FARS2: variants seen among roughly 807,000 people sequenced by gnomAD.
FARS2 encodes phenylalanyl-tRNA synthetase 2, mitochondrial, also known as phenylalanine--tRNA ligase, mitochondrial.
Under a neutral mutation model 46.4 loss-of-function variants are expected in FARS2, and 40 were observed. The observed-to-expected ratio is 0.86, with a 90% CI of 0.67 to 1.12. The LOEUF (loss-of-function observed/expected upper bound fraction) is 1.12, where lower values mean the gene tolerates loss of function less well. FARS2 is among the 50% of genes most tolerant of loss of function. The pLI is 0.00. For missense variants in FARS2, 513 were observed against 567.9 expected (o/e 0.90, Z 0.98); for synonymous variants, 234 against 214.9 (o/e 1.09, Z -0.78).
At chr6:5,739,417 C>A (rs955145759) in intron 6 of FARS2, among the ~76,000 whole-genome samples, 1 of 151,986 alleles carries the variant, frequency 6.6e-6, no homozygotes, top group African/African-American at 2.4e-5. Context: ...AGTTGGAACA[C>A]CTGCCTGTTG....
chr6:5,321,735 T>A (rs571966923), intron 1 of FARS2, among the ~76,000 whole-genome samples: 1 of 152,328 alleles, frequency 6.6e-6, no homozygotes, highest in Admixed American at 6.5e-5. Context: ...TCTGGTTAAA[T>A]GTGGGAACCT....
At chr6:5,539,668 C>A (rs574781859) in intron 4 of FARS2, among the ~76,000 whole-genome samples, 193 of 152,148 alleles carry the variant, frequency 1.3e-3, no homozygotes, top group African/African-American at 4.4e-3. Flanking sequence ...TCAGTGAATT[C>A]TTGGATATTA....
chr6:5,679,510 C>T (rs1044350524), intron 6 of FARS2, among the ~76,000 whole-genome samples: 1 of 152,190 alleles, frequency 6.6e-6, no homozygotes, highest in Non-Finnish European at 1.5e-5. Context: ...CTCCATCACC[C>T]CTCTGTCAAC....
chr6:5,576,457 G>A (rs113729043), intron 5 of FARS2, among the ~76,000 whole-genome samples: 7 of 151,928 alleles, frequency 4.6e-5, no homozygotes, highest in African/African-American at 9.7e-5. Flanking sequence ...TTTGGCACTC[G>A]TACTGGCTTT....
At chr6:5,699,452 T>C (rs1287163265) in intron 6 of FARS2, among the ~76,000 whole-genome samples, 1 of 152,000 alleles carries the variant, frequency 6.6e-6, no homozygotes, top group East Asian at 1.9e-4. Context: ...ATGCAGCCTC[T>C]CAGGCCCCAC....
At chr6:5,759,616 C>A (rs1762385481) in intron 6 of FARS2, among the ~76,000 whole-genome samples, 1 of 152,132 alleles carries the variant, frequency 6.6e-6, no homozygotes, top group African/African-American at 2.4e-5. Context: ...TCGACTCTGA[C>A]CACCAGTGGT....
intron 6 of FARS2, among the ~76,000 whole-genome samples, chr6:5,769,158 G>T (rs1432420237): frequency 6.6e-6 from 1 of 152,094 alleles, no homozygotes; most frequent in Non-Finnish European, 1.5e-5. Context: ...GTGTGTGTGT[G>T]GTGTGAGGTA....
chr6:5,647,440 C>T (rs1777134743), intron 6 of FARS2, among the ~76,000 whole-genome samples: 1 of 152,182 alleles, frequency 6.6e-6, no homozygotes, highest in Admixed American at 6.5e-5. Context: ...GAAACTAACA[C>T]GAGCTAGGAA....
chr6:5,456,569 T>A (rs1181796961), intron 4 of FARS2, among the ~76,000 whole-genome samples: 1 of 151,618 alleles, frequency 6.6e-6, no homozygotes, highest in African/African-American at 2.4e-5. Flanking sequence ...CCACCTCTAC[T>A]AAAAGCACAA....
At chr6:5,622,625 C>T (rs756947927) in intron 6 of FARS2, among the ~76,000 whole-genome samples, 9 of 152,168 alleles carry the variant, frequency 5.9e-5, no homozygotes, top group Non-Finnish European at 7.3e-5. Context: ...ACACAGTGTT[C>T]GTCCCTTTTG....
intron 4 of FARS2, among the ~76,000 whole-genome samples, chr6:5,526,007 C>T (rs1416800259): frequency 6.6e-6 from 1 of 152,220 alleles, no homozygotes; most frequent in East Asian, 1.9e-4. Context: ...AAGAATATTT[C>T]TGCAGCAGTG....
intron 4 of FARS2, among the ~76,000 whole-genome samples, chr6:5,474,665 T>TTTTG (rs1766012307): frequency 6.9e-6 from 1 of 144,378 alleles, no homozygotes; most frequent in Admixed American, 6.8e-5. Flanking sequence ...ACAGTACTGT[T>TTTTG]TTTTTTTTTT....
chr6:5,532,058 A>G (rs1471222502), intron 4 of FARS2, among the ~76,000 whole-genome samples: 1 of 152,224 alleles, frequency 6.6e-6, no homozygotes, highest in Non-Finnish European at 1.5e-5. Context: ...TTTTGGAACG[A>G]TAAAACCCAA....
intron 2 of FARS2, among the ~76,000 whole-genome samples, chr6:5,374,059 A>G (rs912969397): frequency 2.6e-5 from 4 of 152,076 alleles, no homozygotes; most frequent in South Asian, 2.1e-4. Flanking sequence ...TTAGAGATAC[A>G]TATTGAAATA....
chr6:5,260,903 G>C (rs2224392), upstream of FARS2: 8 of 1,383,174 alleles, frequency 5.8e-6, no homozygotes, highest in Non-Finnish European at 7.4e-6. Flanking sequence ...GATCGCGGAC[G>C]GCGCCAGGCG....
chr6:5,628,516 C>T (rs1332402955), intron 6 of FARS2, among the ~76,000 whole-genome samples: 2 of 152,216 alleles, frequency 1.3e-5, no homozygotes, highest in Non-Finnish European at 2.9e-5. Context: ...CGCTTTGGCC[C>T]CGTGGACAGA....
At chr6:5,542,945 T>G (rs562702134) in intron 4 of FARS2, among the ~76,000 whole-genome samples, 62 of 152,352 alleles carry the variant, frequency 4.1e-4, no homozygotes, top group African/African-American at 1.4e-3. Context: ...ATAGAACTTT[T>G]TTTGTACAAT....
At chr6:5,372,284 G>T (rs1004331410) in intron 2 of FARS2, among the ~76,000 whole-genome samples, 8 of 152,090 alleles carry the variant, frequency 5.3e-5, no homozygotes, top group Non-Finnish European at 1.2e-4. Flanking sequence ...AAAGGTGGTT[G>T]ACAAGTTTGA....
intron 4 of FARS2, among the ~76,000 whole-genome samples, chr6:5,497,803 T>C (rs866035148): frequency 2.0e-5 from 3 of 152,240 alleles, no homozygotes; most frequent in African/African-American, 7.2e-5. Flanking sequence ...AATGTAATCC[T>C]TTCATTTATT....
Sources: gnomAD v4.1 joint callset for allele counts (sites outside exome capture counted in the v4.1 genomes callset) on GRCh38, gnomAD v4.1.1 for gene constraint, MANE v1.5 for transcripts, NCBI Gene and HGNC (gene_info 2026-07-23, HGNC 2026-07-21) for gene names.